KIF21A: variants seen among roughly 807,000 people sequenced by gnomAD.
KIF21A encodes the protein kinesin family member 21A.
In KIF21A, 114 loss-of-function variants were observed where a neutral mutation model predicts 202.9. That is an observed-to-expected ratio of 0.56 (90% confidence interval 0.48 to 0.66). The LOEUF is 0.66. Among genes scored for constraint, KIF21A ranks in the 30% least tolerant of loss-of-function variants. The probability of loss-of-function intolerance (pLI) is 0.00; values close to 1 mark genes in which losing one functional copy is unlikely to be tolerated. For missense variants in KIF21A, 1,677 were observed against 1,994.9 expected, an observed-to-expected ratio of 0.84 and a Z score of 3.04; for synonymous variants, 667 against 670.8, an observed-to-expected ratio of 0.99 and a Z score of 0.09.
chr12:39,367,317 G>T, intron 4 of KIF21A, 153 bp from the exon 5 acceptor site: 1 of 746,230 alleles, frequency 1.3e-6, no homozygotes, highest in Non-Finnish European at 2.3e-6. Context: ...CACTTTTTGA[G>T]ATGGACTTCT....
rs531461365 is a variant in KIF21A, at chr12:39,380,053, C to T, written c.45-9792G>A. ...CGCTATCTCTGCTCACTGCAACCTC[C>T]GCCTCCCAGGTTCAGGCAATTCTCC... is the stretch of plus-strand genomic sequence containing the variant. On this transcript the variant is annotated intron_variant, in intron 1 of 37. Transcript: ENST00000361418. 3.3e-5 allele frequency among the ~76,000 whole-genome samples: 5 copies of T among 152,282 alleles called. No individual in the cohort carries two copies. In the South Asian group the frequency reaches 8.3e-4, roughly 25 times the overall value.
rs561333955 is a variant in KIF21A at position 39,412,501 on chromosome 12, G to A, written c.44+30426C>T. 1.5e-3 allele frequency among the ~76,000 whole-genome samples: 224 copies of A among 152,194 alleles called. 3 individuals carry two copies. The highest frequency in any genetic ancestry group is 2.5e-3 in the Non-Finnish European group (167 of 68,012). ...GAAGGCTAAGGTGGGCAGATCGCTC[G>A]AGCTCAGGAGTTCAAGACCAGCCCG... is the stretch of plus-strand genomic sequence containing the variant. On this transcript the variant is annotated intron_variant, in intron 1 of 37. Coordinates refer to ENST00000361418, the MANE Select transcript of KIF21A (RefSeq NM_001173464.2).
chr12:39,357,522 A>G, intron 8 of KIF21A, 85 bp from the exon 9 acceptor site: 2 of 1,174,216 alleles, frequency 1.7e-6, no homozygotes, highest in Non-Finnish European at 1.3e-6. Flanking sequence ...TAACTATACA[A>G]TTCTCTAACC....
rs1373546700 is a variant in KIF21A at position 39,293,698 on chromosome 12, A to G, written c.*726T>C. On this transcript the variant is annotated 3_prime_UTR_variant, in exon 38 of 38. Transcript: ENST00000361418. ...AATATATTTCTGTTAGGACATCAAC[A>G]ATGTTTCCCATCACAGAATATATGC... is the stretch of plus-strand genomic sequence containing the variant. 1.3e-5 allele frequency: 2 copies of G among 152,442 alleles called. No individual in the cohort carries two copies. Among genetic ancestry groups the G allele is most frequent in the African/African-American group, 2.4e-5 (1 of 41,362 alleles). 9.4% of individuals were successfully genotyped at this position (152,442 alleles called of 1,614,324 possible). A position where few individuals can be genotyped will look rare whatever the true frequency, so the allele number is the denominator to read the frequency against.
chr12:39,370,140 CA>C lies in KIF21A; in HGVS notation c.165del (p.Phe55LeufsTer15), dbSNP rs746546113. ...KDKAFTFDYV[F>X]DIDSQQEQIY... ...ATCTGCTCTTGCTGGGAGTCAATGT[CA>C]AATACATAGTCAAAAGTAAAAGCCT... is the stretch of plus-strand genomic sequence containing the variant. On this transcript the variant is annotated frameshift_variant, in exon 2 of 38. Transcript: ENST00000361418. LOFTEE classifies it high-confidence loss of function. 3 of 1,612,906 alleles carry C rather than the reference CA, an allele frequency of 1.9e-6. No individual in the cohort carries two copies. Among genetic ancestry groups the C allele is most frequent in the Non-Finnish European group, 2.5e-6 (3 of 1,179,364 alleles).
intron 11 of KIF21A, among the ~76,000 whole-genome samples, chr12:39,351,219 C>T (rs1229657229): frequency 6.6e-6 from 1 of 152,052 alleles, no homozygotes; most frequent in Non-Finnish European, 1.5e-5. Context: ...TGGTGAAAAG[C>T]TGAGTAACTC....
At chr12:39,417,005 C>G (rs1395028116) in intron 1 of KIF21A, among the ~76,000 whole-genome samples, 1 of 151,524 alleles carries the variant, frequency 6.6e-6, no homozygotes, top group Non-Finnish European at 1.5e-5. Flanking sequence ...TAGTATCATT[C>G]ATTAACAGAC....
rs138223240 is a variant in KIF21A, at chr12:39,433,858, T to A, written c.44+9069A>T. Among the ~76,000 whole-genome samples the A allele has an allele frequency of 2.2e-3, 336 of 152,328 alleles. 4 individuals are homozygous for A. The highest frequency in any genetic ancestry group is 7.8e-3 in the African/African-American group (323 of 41,570). ...ATAGAATAAGGATCTTGGAAGTATT[T>A]ATATATACTGTTATATCACTTATAG... On this transcript the variant is annotated intron_variant, in intron 1 of 37. Coordinates refer to ENST00000361418, the MANE Select transcript of KIF21A (RefSeq NM_001173464.2).
intron 1 of KIF21A, among the ~76,000 whole-genome samples, chr12:39,434,520 G>A (rs777356506): frequency 7.9e-5 from 12 of 152,228 alleles, no homozygotes; most frequent in South Asian, 2.1e-4. Context: ...TGGTTGTCTC[G>A]TGATCCTTTC....
intron 1 of KIF21A, among the ~76,000 whole-genome samples, chr12:39,398,347 C>T (rs1233354048): frequency 6.6e-6 from 1 of 152,114 alleles, no homozygotes; most frequent in Non-Finnish European, 1.5e-5. Flanking sequence ...TGCCTGTAAC[C>T]CCAGCACTTT....
Position 39,303,107 on chromosome 12 carries a change from C to G in KIF21A, c.4589G>C (p.Gly1530Ala), listed in dbSNP as rs1209759462. The change falls in exon 36 of 38, where the codon GGG becomes GCG. Residue 1530 changes from glycine (G) to alanine (A), a missense_variant. This residue lies in a region of KIF21A where 705 missense variants were observed against 791.9 expected (regional missense o/e 0.89). Transcript: ENST00000361418. ...KMFDVTEGALGTVSPTHNFEP... is the reference protein window; with the variant it reads ...KMFDVTEGALATVSPTHNFEP... Reference sequence around the variant, plus strand: ...AAAATTGTGGGTGGGACTCACAGTCCCAAGAGCTCCTTCTGTAACATCAAA... The same window carrying G: ...AAAATTGTGGGTGGGACTCACAGTCGCAAGAGCTCCTTCTGTAACATCAAA... 6.2e-7 allele frequency: 1 copy of G among 1,613,920 alleles called. No individual in the cohort carries two copies. Among genetic ancestry groups the G allele is most frequent in the South Asian group, 1.1e-5 (1 of 91,070 alleles).
intron 1 of KIF21A, among the ~76,000 whole-genome samples, chr12:39,384,668 C>A (rs1458223888): frequency 1.1e-4 from 16 of 152,112 alleles, no homozygotes; most frequent in Non-Finnish European, 2.4e-4. Flanking sequence ...AACTTGGAAC[C>A]TTAGATAACA....
intron 1 of KIF21A, among the ~76,000 whole-genome samples, chr12:39,396,035 G>A (rs1951728064): frequency 6.6e-6 from 1 of 151,724 alleles, no homozygotes; most frequent in African/African-American, 2.4e-5. Flanking sequence ...GAATCCTCCC[G>A]CTTAGGGGGA....
chr12:39,387,686 A>G (rs1951044565), intron 1 of KIF21A, among the ~76,000 whole-genome samples: 1 of 152,110 alleles, frequency 6.6e-6, no homozygotes. Context: ...GTGGGCCATT[A>G]GTAGATGGCA....
Position 39,341,533 on chromosome 12 carries a change from A to C in KIF21A, c.1893T>G (p.Asp631Glu). ...TTTCATCTGATTCAGAATCTGATTC[A>C]TCAGAACTTTCACCCCCATCAATGT... ...EDDIDGGESS[D>E]ESDSESDEKA... The change falls in exon 14 of 38, where the codon GAT (aspartate) becomes GAG (glutamate). Residue 631 changes from aspartate (D) to glutamate (E), a missense_variant. Physicochemically the swap from Asp to Glu is conservative, Grantham distance 45. This residue lies in a region of KIF21A where 966 missense variants were observed against 1,180.9 expected (regional missense o/e 0.82). Transcript: ENST00000361418. The C allele has an allele frequency of 1.9e-6, 3 of 1,613,302 alleles. No homozygotes were observed. The highest frequency in any genetic ancestry group is 2.5e-6 in the Non-Finnish European group (3 of 1,179,630).
chr12:39,301,390 T>C (rs1220910822), intron 37 of KIF21A, 90 bp downstream of exon 37: 44 of 1,002,342 alleles, frequency 4.4e-5, no homozygotes, highest in Non-Finnish European at 6.8e-5. Context: ...AAGGATTTTG[T>C]ATATTCAACG....
chr12:39,416,293 G>T (rs1325036454), intron 1 of KIF21A, among the ~76,000 whole-genome samples: 1 of 151,994 alleles, frequency 6.6e-6, no homozygotes, highest in Admixed American at 6.6e-5. Context: ...TGATTAAAAT[G>T]CTCAAGTAAA....
chr12:39,352,337 C>T (rs1177847184), intron 10 of KIF21A, among the ~76,000 whole-genome samples: 1 of 152,004 alleles, frequency 6.6e-6, no homozygotes, highest in Admixed American at 6.6e-5. Flanking sequence ...AACATGGCTA[C>T]AAGATAAGGA....
chr12:39,434,221 G>A (rs1938363941), intron 1 of KIF21A, among the ~76,000 whole-genome samples: 1 of 152,204 alleles, frequency 6.6e-6, no homozygotes, highest in Non-Finnish European at 1.5e-5. Context: ...AGGAAAGAGA[G>A]CATGCACAAG....
Sources: allele counts gnomAD v4.1 joint callset (sites outside exome capture counted in the v4.1 genomes callset), GRCh38; gene constraint gnomAD v4.1.1; regional missense constraint gnomAD v4.1.1; transcripts MANE v1.5; gene names NCBI Gene and HGNC (gene_info 2026-07-23, HGNC 2026-07-21).